The following SPAST variants were observed in gnomAD, a reference collection of about 807,000 sequenced individuals.
The protein encoded by SPAST is spastic paraplegia 4 (autosomal dominant; spastin).
In SPAST, 30 loss-of-function variants were observed where a neutral mutation model predicts 76.6. The ratio of observed to expected loss-of-function variants is 0.39; its 90% CI spans 0.29 to 0.53. The LOEUF (loss-of-function observed/expected upper bound fraction) is 0.53. Among genes scored for constraint, SPAST ranks in the 20% least tolerant of loss-of-function variants. SPAST has a pLI of 0.68. For missense variants in SPAST, 717 were observed against 770.5 expected (o/e 0.93, Z 0.82); for synonymous variants, 305 against 281.0 (o/e 1.09, Z -0.86).
intron 8 of SPAST, 200 bp downstream of exon 8, chr2:32,127,222 A>AT (rs1358741398): frequency 1.8e-6 from 1 of 559,450 alleles, no homozygotes; most frequent in Non-Finnish European, 3.2e-6. Context: ...GGTTCAAGCG[A>AT]TTTTCATGCC....
chr2:32,128,380 T>A, intron 8 of SPAST, 28 bp from the exon 9 acceptor site: 2 of 1,484,232 alleles, frequency 1.3e-6, no homozygotes, highest in Non-Finnish European at 1.9e-6. Context: ...TTGAACTAAT[T>A]TAATATTTGC....
At position 32,063,733 on chromosome 2, in the gene SPAST, G is replaced by T. The variant is rs1676376943; in HGVS notation, c.-99G>T. 6.8e-7 allele frequency: 1 copy of T among 1,471,814 alleles called. No homozygotes were observed. The highest frequency in any genetic ancestry group is 9.1e-7 in the Non-Finnish European group (1 of 1,103,224). 91.2% of individuals were successfully genotyped at this position (1,471,814 alleles called of 1,614,324 possible). A position where few individuals can be genotyped will look rare whatever the true frequency, so the allele number is the denominator to read the frequency against. On this transcript the variant is annotated 5_prime_UTR_variant, in exon 1 of 17. Transcript: ENST00000315285. ...CTCCTGAGACCGGCGGGCACACGGG[G>T]GTCTGTGGCCCCCGCCGTAGCAGTG...
At chr2:32,087,678 T>TC (rs1318804215) in intron 2 of SPAST, 100 bp downstream of exon 2, 8 of 365,594 alleles carry the variant, frequency 2.2e-5, no homozygotes, top group Non-Finnish European at 3.6e-5. Context: ...TTTCTTTCTT[T>TC]CTTTTCTTTT....
At position 32,096,440 on chromosome 2, in the gene SPAST, A is replaced by T. The variant is rs151156516; in HGVS notation, c.587-2356A>T. 4.1e-3 allele frequency among the ~76,000 whole-genome samples: 625 copies of T among 152,340 alleles called. 2 individuals carry two copies. The highest frequency in any genetic ancestry group is 6.7e-3 in the Non-Finnish European group (457 of 68,036). ...ACAGAGTGAGACTCCGTCTCCAAAAAAAAGAAAAAATATTGGAGCAGTTTC... is the reference window on the plus strand; with the variant it reads ...ACAGAGTGAGACTCCGTCTCCAAAATAAAGAAAAAATATTGGAGCAGTTTC... On this transcript the variant is annotated intron_variant, in intron 3 of 16. Transcript: ENST00000315285.
chr2:32,092,164 T>A (rs1459393506), intron 3 of SPAST, among the ~76,000 whole-genome samples: 1 of 152,208 alleles, frequency 6.6e-6, no homozygotes, highest in East Asian at 1.9e-4. Flanking sequence ...CGCACATAGT[T>A]AAAAATGCAG....
chr2:32,137,162 A>G lies in SPAST; in HGVS notation c.1467A>G (p.Pro489=). Residue 489 remains proline (P), a synonymous_variant, in exon 12 of 17, where the codon CCA becomes CCG. Transcript: ENST00000315285. ...RVLVMGATNR[P]QELDEAVLRR... is the part of the protein sequence containing the mutation. Reference sequence around the variant, plus strand: ...TTGTAATGGGTGCAACTAATAGGCCACAAGAGCTTGATGAGGCTGTTCTCA... The same window carrying G: ...TTGTAATGGGTGCAACTAATAGGCCGCAAGAGCTTGATGAGGCTGTTCTCA... 6.2e-7 allele frequency: 1 copy of G among 1,613,826 alleles called. No homozygotes were observed. Among genetic ancestry groups the G allele is most frequent in the Non-Finnish European group, 8.5e-7 (1 of 1,179,700 alleles).
At chr2:32,080,961 A>ATT (rs796959491) in intron 1 of SPAST, among the ~76,000 whole-genome samples, 1 of 134,202 alleles carries the variant, frequency 7.5e-6, no homozygotes, top group African/African-American at 2.8e-5. Flanking sequence ...CATCTGGCTA[A>ATT]TTTTTTTTTT....
intron 9 of SPAST, among the ~76,000 whole-genome samples, chr2:32,136,174 A>G (rs1679530422): frequency 6.6e-6 from 1 of 152,262 alleles, no homozygotes; most frequent in Non-Finnish European, 1.5e-5. Context: ...TTAGGAGAGC[A>G]CATTCCAACT....
intron 4 of SPAST, among the ~76,000 whole-genome samples, chr2:32,108,324 G>T (rs1199817125): frequency 6.6e-6 from 1 of 152,120 alleles, no homozygotes; most frequent in Non-Finnish European, 1.5e-5. Flanking sequence ...ATGCAGGTCT[G>T]TAGAAATTAC....
chr2:32,080,812 T>TTTTG (rs1558617987), intron 1 of SPAST, among the ~76,000 whole-genome samples: 2 of 140,770 alleles, frequency 1.4e-5, no homozygotes, highest in Non-Finnish European at 3.0e-5. Context: ...TTTTTTTTTT[T>TTTTG]GAGATGGAGT....
chr2:32,068,382 C>T (rs925244519), intron 1 of SPAST, among the ~76,000 whole-genome samples: 14 of 150,032 alleles, frequency 9.3e-5, no homozygotes, highest in African/African-American at 2.0e-4. Flanking sequence ...AGTGCAATGG[C>T]GCGATCTCAG....
chr2:32,149,427 C>A (rs1174962434), intron 16 of SPAST, among the ~76,000 whole-genome samples: 2 of 151,910 alleles, frequency 1.3e-5, no homozygotes, highest in Non-Finnish European at 2.9e-5. Flanking sequence ...ATATGGAAGA[C>A]CTCCTTATGA....
chr2:32,091,261 T>G (rs1345399196), intron 3 of SPAST, among the ~76,000 whole-genome samples: 1 of 133,764 alleles, frequency 7.5e-6, no homozygotes, highest in East Asian at 2.2e-4. Flanking sequence ...TTATTATTAT[T>G]ATTATTATTA....
chr2:32,147,999 C>T (rs1003853115), intron 16 of SPAST, among the ~76,000 whole-genome samples: 1 of 141,720 alleles, frequency 7.1e-6, no homozygotes, highest in East Asian at 2.3e-4. Flanking sequence ...GTGGTGCAAT[C>T]GTGGCTGACT....
At chr2:32,133,038 C>T (rs1039485993) in intron 9 of SPAST, among the ~76,000 whole-genome samples, 4 of 125,996 alleles carry the variant, frequency 3.2e-5, no homozygotes, top group African/African-American at 1.1e-4. Context: ...AAAAGTGAAA[C>T]TCCATCTCAA....
Position 32,115,716 on chromosome 2 carries a change from A to C in SPAST, c.885A>C (p.Thr295=). The C allele has an allele frequency of 1.2e-6, 2 of 1,609,334 alleles. No homozygotes were observed. Among genetic ancestry groups the C allele is most frequent in the Non-Finnish European group, 1.7e-6 (2 of 1,176,348 alleles). ...TATCCTTTAAGGGTACTCCGAAAAC[A>C]AATAGGACAAATAAACCTTCTACCC... is the stretch of plus-strand genomic sequence containing the variant. ...APTTHKGTPK[T]NRTNKPSTPT... The change falls in exon 6 of 17, where the codon ACA becomes ACC. Residue 295 remains threonine (T), a synonymous_variant. Transcript: ENST00000315285.
At position 32,064,145 on chromosome 2, in the gene SPAST, C is replaced by T. The variant is rs1162709481; in HGVS notation, c.314C>T (p.Pro105Leu). 11 of 1,563,204 alleles carry T rather than the reference C, an allele frequency of 7.0e-6. No individual in the cohort carries two copies. Among genetic ancestry groups the T allele is most frequent in the African/African-American group, 1.4e-5 (1 of 73,602 alleles). The change falls in exon 1 of 17, where the codon CCG becomes CTG. Residue 105 changes from proline to leucine, a missense_variant. Coordinates refer to ENST00000315285, the MANE Select transcript of SPAST (RefSeq NM_014946.4). Reference sequence around the variant, plus strand: ...CCAGCACCTGCCTCGGCCTCGGCCCCGGCGCCGGTGCCGGGCGGCGAGGCC... The same window carrying T: ...CCAGCACCTGCCTCGGCCTCGGCCCTGGCGCCGGTGCCGGGCGGCGAGGCC... ...AAPAPASASA[P>L]APVPGGEAER...
At chr2:32,083,674 T>C (rs1019541147) in intron 1 of SPAST, among the ~76,000 whole-genome samples, 1 of 140,170 alleles carries the variant, frequency 7.1e-6, no homozygotes, top group Non-Finnish European at 1.5e-5. Context: ...TATATATATA[T>C]ATTTTTATGC....
chr2:32,103,463 T>G (rs1346239415), intron 4 of SPAST, among the ~76,000 whole-genome samples: 1 of 152,214 alleles, frequency 6.6e-6, no homozygotes, highest in Admixed American at 6.5e-5. Context: ...TGTCTCTATC[T>G]CCTTCATTTC....
Sources: allele counts gnomAD v4.1 joint callset (sites outside exome capture counted in the v4.1 genomes callset), GRCh38; gene constraint gnomAD v4.1.1; transcripts MANE v1.5; gene names NCBI Gene and HGNC (gene_info 2026-07-23, HGNC 2026-07-21).